MTCL3: variants seen among roughly 807,000 people sequenced by gnomAD.
MTCL3 encodes the protein MTCL family member 3, also known as microtubule cross-linking factor 3.
the MTCL3 span, chr6:127,516,138 T>C: frequency 1.4e-5 from 20 of 1,438,686 alleles, no homozygotes; most frequent in Non-Finnish European, 1.8e-5. Context: ...GCGGAGGGGG[T>C]TCCCCGAGTT....
At chr6:127,475,383 G>A in the MTCL3 span, 1 of 1,613,414 alleles carries the variant, frequency 6.2e-7, no homozygotes, top group Non-Finnish European at 8.5e-7. The surrounding 1 kb of genome is among the most constrained non-coding windows in gnomAD (Gnocchi z 7.3). Flanking sequence ...GCTCCTTGCG[G>A]AAGGCCTTCA....
At chr6:127,480,915 G>A in the MTCL3 span, among the ~76,000 whole-genome samples, 2 of 152,130 alleles carry the variant, frequency 1.3e-5, no homozygotes, top group African/African-American at 4.8e-5. Flanking sequence ...CATAACCTCT[G>A]AAAATAAATG....
chr6:127,503,092 T>G, the MTCL3 span, among the ~76,000 whole-genome samples: 1 of 152,168 alleles, frequency 6.6e-6, no homozygotes, highest in East Asian at 1.9e-4. Context: ...CTAGGAGTAT[T>G]GAGGTTCCCT....
chr6:127,490,168 T>C, the MTCL3 span, among the ~76,000 whole-genome samples: 1 of 152,196 alleles, frequency 6.6e-6, no homozygotes. Flanking sequence ...ACAAAGCCTT[T>C]ATGACAGCAT....
At chr6:127,481,849 T>A in the MTCL3 span, among the ~76,000 whole-genome samples, 1 of 152,256 alleles carries the variant, frequency 6.6e-6, no homozygotes, top group African/African-American at 2.4e-5. Context: ...CAGGATGAGA[T>A]AAGAGGTTGG....
the MTCL3 span, among the ~76,000 whole-genome samples, chr6:127,491,315 A>G: frequency 6.6e-6 from 1 of 152,206 alleles, no homozygotes. Flanking sequence ...GTGGCAAATC[A>G]CATTGTTGCC....
chr6:127,516,386 G>A, the MTCL3 span: 2 of 1,600,374 alleles, frequency 1.2e-6, no homozygotes, highest in African/African-American at 2.7e-5. Flanking sequence ...TGTTGCTGCT[G>A]CTGCAGCTGC....
the MTCL3 span, among the ~76,000 whole-genome samples, chr6:127,489,220 T>G: frequency 0.66 from 99,786 of 151,926 alleles, 32,989 homozygotes; most frequent in East Asian, 0.74. Flanking sequence ...GGGGCACGAT[T>G]AACTTCACTG....
chr6:127,488,526 G>A, the MTCL3 span, among the ~76,000 whole-genome samples: 1 of 152,136 alleles, frequency 6.6e-6, no homozygotes, highest in African/African-American at 2.4e-5. Context: ...GTTCAATGAG[G>A]AAACAGCCAC....
At chr6:127,498,750 T>C in the MTCL3 span, among the ~76,000 whole-genome samples, 1 of 152,196 alleles carries the variant, frequency 6.6e-6, no homozygotes, top group African/African-American at 2.4e-5. Flanking sequence ...TAAAAAGAAA[T>C]GAATTACTGA....
chr6:127,499,534 T>C, the MTCL3 span, among the ~76,000 whole-genome samples: 1 of 152,366 alleles, frequency 6.6e-6, no homozygotes, highest in Middle Eastern at 3.4e-3. Flanking sequence ...ATCAAATCTA[T>C]AATACAAGAA....
chr6:127,482,754 A>G, the MTCL3 span, among the ~76,000 whole-genome samples: 2 of 152,220 alleles, frequency 1.3e-5, no homozygotes, highest in African/African-American at 4.8e-5. The surrounding 1 kb of genome is among the most constrained non-coding windows in gnomAD (Gnocchi z 4.1). Context: ...AAATATTCTG[A>G]TTTATACTAC....
chr6:127,476,477 G>C, the MTCL3 span: 3 of 1,550,600 alleles, frequency 1.9e-6, no homozygotes, highest in Non-Finnish European at 2.6e-6. The surrounding 1 kb of genome is among the most constrained non-coding windows in gnomAD (Gnocchi z 4.4). Context: ...TCCTCATTTG[G>C]GGGAAAAGAG....
chr6:127,483,389 G>A, the MTCL3 span, among the ~76,000 whole-genome samples: 1 of 152,184 alleles, frequency 6.6e-6, no homozygotes, highest in African/African-American at 2.4e-5. Context: ...ATAAGCTTAT[G>A]AACACACACT....
chr6:127,512,963 T>C, the MTCL3 span: 1 of 1,612,030 alleles, frequency 6.2e-7, no homozygotes, highest in African/African-American at 1.3e-5. Context: ...GTTGCCTCAG[T>C]TTCTCATTTT....
At chr6:127,476,195 C>T in the MTCL3 span, 3 of 1,614,158 alleles carry the variant, frequency 1.9e-6, no homozygotes, top group Non-Finnish European at 2.5e-6. This position sits in a 1 kb window ranked among gnomAD's most constrained non-coding sequence, Gnocchi z 4.4. Flanking sequence ...CCTCTGTTCT[C>T]CACCTCCAGT....
the MTCL3 span, chr6:127,515,582 G>A: frequency 6.9e-7 from 1 of 1,440,326 alleles, no homozygotes; most frequent in Non-Finnish European, 9.1e-7. This position sits in a 1 kb window ranked among gnomAD's most constrained non-coding sequence, Gnocchi z 4.3. Context: ...TCTTGGAGCT[G>A]CTGCGGGTGC....
At chr6:127,516,723 G>A in the MTCL3 span, 1 of 1,479,150 alleles carries the variant, frequency 6.8e-7, no homozygotes, top group Non-Finnish European at 8.9e-7. Context: ...AACAAAAGGA[G>A]AGAAGAAGAC....
At chr6:127,478,913 A>T in the MTCL3 span, among the ~76,000 whole-genome samples, 5 of 148,688 alleles carry the variant, frequency 3.4e-5, no homozygotes, top group African/African-American at 1.2e-4. Context: ...GCTGCTCGGG[A>T]GGCTGAGGGA....
Sources: gnomAD v4.1 joint callset for allele counts (sites outside exome capture counted in the v4.1 genomes callset) on GRCh38, gnomAD v4.1.1 for gene constraint, Gnocchi (gnomAD v3.1) non-coding constraint, MANE v1.5 for transcripts, NCBI Gene and HGNC (gene_info 2026-07-23, HGNC 2026-07-21) for gene names.